GOT1: variants seen among roughly 807,000 people sequenced by gnomAD.
GOT1 encodes aspartate aminotransferase, cytoplasmic.
A neutral mutation model predicts 48.2 loss-of-function variants in GOT1; 25 were observed. The observed-to-expected ratio is 0.52, with a 90% CI of 0.38 to 0.72. GOT1 has a LOEUF of 0.72. Ranked by LOEUF, GOT1 falls within the 30% of genes least tolerant of loss-of-function variation. The probability of loss-of-function intolerance (pLI) is 0.00; values close to 1 mark genes in which losing one functional copy is unlikely to be tolerated. For missense variants in GOT1, 380 were observed against 520.1 expected (o/e 0.73, Z 2.62); for synonymous variants, 188 against 193.8 (o/e 0.97, Z 0.25).
chr10:99,425,325 TG>T (rs1386603027), intron 1 of GOT1, among the ~76,000 whole-genome samples: 1 of 152,188 alleles, frequency 6.6e-6, no homozygotes, highest in African/African-American at 2.4e-5. Flanking sequence ...AAAAGAATCC[TG>T]GAGTCTCTTT....
intron 1 of GOT1, among the ~76,000 whole-genome samples, chr10:99,428,209 CAG>C (rs1481029732): frequency 6.6e-6 from 1 of 152,176 alleles, no homozygotes; most frequent in Non-Finnish European, 1.5e-5. Context: ...ACAACAATAA[CAG>C]TAATACCTAA....
chr10:99,417,111 G>C (rs1253707451), intron 2 of GOT1, among the ~76,000 whole-genome samples: 1 of 152,184 alleles, frequency 6.6e-6, no homozygotes, highest in African/African-American at 2.4e-5. Context: ...CTTCTGCACA[G>C]CAAAAGAAAC....
At chr10:99,414,600 A>C (rs1441596118) in intron 2 of GOT1, among the ~76,000 whole-genome samples, 2 of 152,232 alleles carry the variant, frequency 1.3e-5, no homozygotes, top group Non-Finnish European at 2.9e-5. Flanking sequence ...CCTAATAGAC[A>C]TCTACAGAAC....
chr10:99,418,299 G>T (rs11819158), intron 2 of GOT1, among the ~76,000 whole-genome samples: 3,270 of 152,046 alleles, frequency 0.022, 128 homozygotes, highest in African/African-American at 0.074. Context: ...GTCTTACAGT[G>T]TAAGTCATCA....
At chr10:99,422,638 T>A (rs1335698469) in intron 1 of GOT1, among the ~76,000 whole-genome samples, 1 of 152,126 alleles carries the variant, frequency 6.6e-6, no homozygotes, top group Admixed American at 6.5e-5. Flanking sequence ...AGTTCTCAAA[T>A]CCCTCCCTCC....
chr10:99,403,437 C>A, intron 7 of GOT1, 32 bp downstream of exon 7: 1 of 1,568,322 alleles, frequency 6.4e-7, no homozygotes, highest in Non-Finnish European at 8.7e-7. Flanking sequence ...GCACTCCCCA[C>A]CCCCCGGCCC....
chr10:99,417,915 G>C (rs150163334), intron 2 of GOT1, among the ~76,000 whole-genome samples: 7 of 152,044 alleles, frequency 4.6e-5, no homozygotes, highest in East Asian at 3.9e-4. Context: ...GTGCGGAGAG[G>C]GGGGAAGGAT....
At chr10:99,427,853 C>T (rs1015159332) in intron 1 of GOT1, among the ~76,000 whole-genome samples, 2 of 152,214 alleles carry the variant, frequency 1.3e-5, no homozygotes, top group Non-Finnish European at 2.9e-5. Context: ...CAAATTGCTT[C>T]ACCTCTCCAG....
intron 7 of GOT1, among the ~76,000 whole-genome samples, chr10:99,403,158 G>A (rs927763610): frequency 4.0e-5 from 6 of 151,876 alleles, no homozygotes; most frequent in Non-Finnish European, 8.8e-5. Flanking sequence ...CTGCCTAGAC[G>A]TTCGATATTC....
chr10:99,415,663 C>T (rs150067216), intron 2 of GOT1, among the ~76,000 whole-genome samples: 3,275 of 152,250 alleles, frequency 0.022, 129 homozygotes, highest in African/African-American at 0.074. Context: ...AGACCAATAT[C>T]CCTGATGAAC....
At chr10:99,429,687 C>T (rs541627083) in intron 1 of GOT1, among the ~76,000 whole-genome samples, 2 of 152,282 alleles carry the variant, frequency 1.3e-5, no homozygotes, top group South Asian at 4.1e-4. Context: ...TATAAATCTT[C>T]TTGGCAGATG....
intron 2 of GOT1, among the ~76,000 whole-genome samples, chr10:99,407,783 T>TTTTA (rs10629267): frequency 0.69 from 103,253 of 148,656 alleles, 36,089 homozygotes; most frequent in East Asian, 0.89. Flanking sequence ...AAAAGCCATA[T>TTTTA]TTTATTTATT....
At chr10:99,413,065 C>T (rs1364637490) in intron 2 of GOT1, among the ~76,000 whole-genome samples, 1 of 152,198 alleles carries the variant, frequency 6.6e-6, no homozygotes, top group African/African-American at 2.4e-5. Context: ...AGCTCCTCAC[C>T]AGCAACGGAA....
chr10:99,426,502 A>G (rs1464363992), intron 1 of GOT1, among the ~76,000 whole-genome samples: 2 of 152,218 alleles, frequency 1.3e-5, no homozygotes, highest in African/African-American at 4.8e-5. Context: ...CTAGGAAACC[A>G]TGTTGAAAAT....
Position 99,427,603 on chromosome 10 carries a change from GTCAT to G in GOT1, c.118+2841_118+2844del, listed in dbSNP as rs570163994. ...CTTAAGAGTAGAATTTGGGAGAGAG[GTCAT>G]TCAATCTTGGCTCCTCATTTAACAG... On this transcript the variant is annotated intron_variant, in intron 1 of 8. Transcript: ENST00000370508. Among the ~76,000 whole-genome samples, 36 of 152,282 alleles carry G rather than the reference GTCAT, an allele frequency of 2.4e-4. No individual in the cohort carries two copies. The East Asian group carries it at 7.0e-3, about 29-fold the overall frequency.
intron 1 of GOT1, among the ~76,000 whole-genome samples, chr10:99,422,503 C>A (rs1387529289): frequency 6.6e-6 from 1 of 152,126 alleles, no homozygotes; most frequent in African/African-American, 2.4e-5. Flanking sequence ...TCAAACTGTA[C>A]ATAGAATTTC....
chr10:99,420,941 T>C, intron 1 of GOT1, 136 bp from the exon 2 acceptor site: 1 of 718,900 alleles, frequency 1.4e-6, no homozygotes, highest in Non-Finnish European at 2.3e-6. Flanking sequence ...GAAAAGTTTG[T>C]TCACTTACTG....
intron 2 of GOT1, among the ~76,000 whole-genome samples, chr10:99,411,269 C>G (rs1274223537): frequency 2.6e-5 from 4 of 152,210 alleles, no homozygotes; most frequent in African/African-American, 9.6e-5. Context: ...TCAGTAATCT[C>G]AAAGCTGAAA....
At chr10:99,423,844 C>T (rs1032086280) in intron 1 of GOT1, among the ~76,000 whole-genome samples, 4 of 151,522 alleles carry the variant, frequency 2.6e-5, no homozygotes, top group Non-Finnish European at 4.4e-5. Flanking sequence ...TTCATAGAAA[C>T]AGGGCCTCAC....
Sources: allele counts gnomAD v4.1 joint callset (sites outside exome capture counted in the v4.1 genomes callset), GRCh38; gene constraint gnomAD v4.1.1; transcripts MANE v1.5; gene names NCBI Gene and HGNC (gene_info 2026-07-23, HGNC 2026-07-21).